Variants in GCFC2 observed in about 807,000 individuals in gnomAD.
The protein encoded by GCFC2 is GC-rich sequence DNA-binding factor 2.
GCFC2 carries 102 observed loss-of-function variants against 99.4 expected under a neutral mutation model. The observed-to-expected ratio is 1.03, with a 90% CI of 0.87 to 1.21. GCFC2 has a LOEUF of 1.21. Ranked by LOEUF, GCFC2 falls within the 50% of genes most tolerant of loss-of-function variation. The pLI, the probability that GCFC2 is intolerant of heterozygous loss-of-function variation, is 0.00. For synonymous variants in GCFC2, 338 were observed against 316.8 expected (o/e 1.07, Z -0.71); for missense variants, 973 against 920.9 (o/e 1.06, Z -0.73).
intron 1 of GCFC2, chr2:75,710,359 A>T: frequency 1.0e-6 from 1 of 987,646 alleles, no homozygotes; most frequent in Non-Finnish European, 1.4e-6. Flanking sequence ...TCCCAACTGT[A>T]CACGATTGTT....
intron 13 of GCFC2, among the ~76,000 whole-genome samples, chr2:75,672,831 G>A (rs188504176): frequency 3.0e-4 from 45 of 152,248 alleles, no homozygotes; most frequent in Admixed American, 2.6e-3. Context: ...AACAGTGGAC[G>A]TGTGCTCTTT....
At chr2:75,673,202 G>A (rs774869546) in intron 13 of GCFC2, among the ~76,000 whole-genome samples, 1 of 152,080 alleles carries the variant, frequency 6.6e-6, no homozygotes, top group Non-Finnish European at 1.5e-5. Flanking sequence ...CCCAGCCATG[G>A]GAGGCTGAGG....
chr2:75,676,280 GATCATT>G (rs1679335126), intron 12 of GCFC2, among the ~76,000 whole-genome samples: 1 of 152,100 alleles, frequency 6.6e-6, no homozygotes, highest in African/African-American at 2.4e-5. Flanking sequence ...GCTGATAGGG[GATCATT>G]ATCTCCTGAG....
intron 15 of GCFC2, among the ~76,000 whole-genome samples, chr2:75,668,270 T>G (rs919036932): frequency 6.6e-6 from 1 of 152,190 alleles, no homozygotes; most frequent in African/African-American, 2.4e-5. Context: ...ACAGACTGAA[T>G]GAAACACTCT....
chr2:75,690,213 C>G (rs1300924122), intron 8 of GCFC2, 132 bp from the exon 9 acceptor site: 4 of 627,408 alleles, frequency 6.4e-6, no homozygotes. Context: ...CAGAAATATA[C>G]TATCATATCA....
At chr2:75,711,952 G>A (rs1681205642), upstream of GCFC2, among the ~76,000 whole-genome samples, 1 of 152,276 alleles carries the variant, frequency 6.6e-6, no homozygotes, top group Non-Finnish European at 1.5e-5. Context: ...AAGGGCTGAG[G>A]AGTACGAGCG....
chr2:75,700,247 C>T (rs1219533206), intron 4 of GCFC2, among the ~76,000 whole-genome samples: 1 of 152,046 alleles, frequency 6.6e-6, no homozygotes, highest in Admixed American at 6.6e-5. Flanking sequence ...ACTTTGTTTA[C>T]ATCTTTTAAA....
rs115414378 is a variant in GCFC2, at chr2:75,702,979, T to C, written c.395-556A>G. The stretch of plus-strand genomic sequence containing the variant: ...CAAATTAGCCTCTGCGGTTCTGTAG[T>C]GAGCCCCACGTGAATAAACATGAGA... On this transcript the variant is annotated intron_variant, in intron 2 of 16. Coordinates refer to ENST00000321027, the MANE Select transcript of GCFC2 (RefSeq NM_003203.5). Among the ~76,000 whole-genome samples, 477 of 152,310 alleles carry C rather than the reference T, an allele frequency of 3.1e-3. 3 individuals carry two copies. The highest frequency in any genetic ancestry group is 0.011 in the African/African-American group (442 of 41,566).
At position 75,679,139 on chromosome 2, in the gene GCFC2, T is replaced by G. The variant is rs142615436; in HGVS notation, c.1812+1054A>C. On this transcript the variant is annotated intron_variant, in intron 12 of 16. Coordinates refer to ENST00000321027, the MANE Select transcript of GCFC2 (RefSeq NM_003203.5). ...TCACTTCCAGTTTTAAGTTACAGTTTATGTGCATCTTATTTTCTCTGAGAT... is the reference window on the plus strand; with the variant it reads ...TCACTTCCAGTTTTAAGTTACAGTTGATGTGCATCTTATTTTCTCTGAGAT... Among the ~76,000 whole-genome samples, 220 of 152,366 alleles carry G rather than the reference T, an allele frequency of 1.4e-3. 1 individual carries two copies. Among genetic ancestry groups the G allele is most frequent in the Non-Finnish European group, 2.7e-3 (184 of 68,030 alleles).
chr2:75,696,213 G>A lies in GCFC2; in HGVS notation c.820C>T (p.Gln274Ter), dbSNP rs1374784770. 4.0e-6 allele frequency: 5 copies of A among 1,254,382 alleles called. No homozygotes were observed. The highest frequency in any genetic ancestry group is 2.0e-4 in the Middle Eastern group (1 of 4,970). The allele number at this position is 1,254,382 out of a possible 1,614,324, so 77.7% of individuals were successfully genotyped here. The part of the protein sequence containing the change: ...PPVNLEIIKK[Q>*]LNTRLTLLQE... ...AGTATTGCTCACCTAGTATTTAATTGCTTCTTTATAATTTCTAAATTTACT... is the reference window on the plus strand; with the variant it reads ...AGTATTGCTCACCTAGTATTTAATTACTTCTTTATAATTTCTAAATTTACT... Residue 274 changes from glutamine (Q) to a stop codon, truncating the protein, a stop_gained, in exon 5 of 17, where the codon CAA (glutamine) becomes TAA (stop). Transcript: ENST00000321027. LOFTEE classifies it high-confidence loss of function.
At chr2:75,695,545 A>C (rs901427690) in intron 5 of GCFC2, among the ~76,000 whole-genome samples, 1 of 152,188 alleles carries the variant, frequency 6.6e-6, no homozygotes, top group Non-Finnish European at 1.5e-5. Flanking sequence ...ATAAAGACTA[A>C]AAAGACATAT....
In GCFC2 at chr2:75,692,005, A is replaced by G. The variant is rs761267821; in HGVS notation, c.1116T>C (p.His372=). 3 of 1,551,312 alleles carry G rather than the reference A, an allele frequency of 1.9e-6. No homozygotes were observed. The highest frequency in any genetic ancestry group is 2.5e-5 in the South Asian group (2 of 80,674). The change falls in exon 7 of 17, where the codon CAT becomes CAC. Residue 372 remains histidine (H), a synonymous_variant. Coordinates refer to ENST00000321027, the MANE Select transcript of GCFC2 (RefSeq NM_003203.5). ...ATAACTGTTGTAAATACGTTGATTCATGTTTTAATTCATCTTGCCTGCGTT... is the reference window on the plus strand; with the variant it reads ...ATAACTGTTGTAAATACGTTGATTCGTGTTTTAATTCATCTTGCCTGCGTT... ...FMKRRQDELK[H]ESTYLQQLSR...
rs765714608 is a variant in GCFC2 at position 75,694,323 on chromosome 2, GA to G, written c.937del (p.Ser313HisfsTer6). The G allele has an allele frequency of 8.2e-5, 112 of 1,363,506 alleles. No homozygotes were observed. The highest frequency in any genetic ancestry group is 1.1e-4 in the Non-Finnish European group (110 of 969,990). 84.5% of individuals were successfully genotyped at this position (1,363,506 alleles called of 1,614,324 possible). A position where few individuals can be genotyped will look rare whatever the true frequency, so the allele number is the denominator to read the frequency against. ...SKSTIQNLES[S>X]SNQALNCKFY... Reference sequence around the variant, plus strand: ...TTTACAATTTAGAGCTTGATTTGATGAACTCTCTAGGTTCTGGATGGTACTC... The same window carrying G: ...TTTACAATTTAGAGCTTGATTTGATGACTCTCTAGGTTCTGGATGGTACTC... On this transcript the variant is annotated frameshift_variant, in exon 6 of 17. Transcript: ENST00000321027. LOFTEE classifies it high-confidence loss of function.
intron 11 of GCFC2, among the ~76,000 whole-genome samples, chr2:75,683,967 A>G (rs1558738885): frequency 6.6e-6 from 1 of 152,146 alleles, no homozygotes; most frequent in Non-Finnish European, 1.5e-5. Context: ...CACTCAGATC[A>G]GATTCATAAA....
Position 75,703,426 on chromosome 2 carries a change from T to C in GCFC2, c.395-1003A>G, listed in dbSNP as rs144382753. Among the ~76,000 whole-genome samples, 78 of 152,242 alleles carry C rather than the reference T, an allele frequency of 5.1e-4. 1 individual carries two copies. Among genetic ancestry groups the C allele is most frequent in the Non-Finnish European group, 9.3e-4 (63 of 68,004 alleles). On this transcript the variant is annotated intron_variant, in intron 2 of 16. Coordinates refer to ENST00000321027, the MANE Select transcript of GCFC2 (RefSeq NM_003203.5). Reference sequence around the variant, plus strand: ...TGAAACAAACAAAAAAAGAGAAAGATTTTAGAAATCACAGACCAATATGCT... The same window carrying C: ...TGAAACAAACAAAAAAAGAGAAAGACTTTAGAAATCACAGACCAATATGCT...
chr2:75,676,255 T>C (rs547407662), intron 12 of GCFC2, among the ~76,000 whole-genome samples: 55 of 152,350 alleles, frequency 3.6e-4, no homozygotes, highest in African/African-American at 1.2e-3. Context: ...CCACCAGCCA[T>C]GTCTAAAACC....
chr2:75,696,037 C>A (rs972802707), intron 5 of GCFC2, among the ~76,000 whole-genome samples, 163 bp downstream of exon 5: 1 of 152,076 alleles, frequency 6.6e-6, no homozygotes, highest in African/African-American at 2.4e-5. Context: ...CTAGTGTATA[C>A]AAAAATGAAA....
Position 75,670,254 on chromosome 2 carries a change from G to C in GCFC2, c.1987C>G (p.Leu663Val). 1.9e-6 allele frequency: 3 copies of C among 1,605,680 alleles called. No individual in the cohort carries two copies. The highest frequency in any genetic ancestry group is 2.6e-6 in the Non-Finnish European group (3 of 1,172,580). The change falls in exon 15 of 17, where the codon CTC becomes GTC. Residue 663 changes from leucine (L) to valine (V), a missense_variant. By Grantham distance (32) the Leu-to-Val change is conservative. Coordinates refer to ENST00000321027, the MANE Select transcript of GCFC2 (RefSeq NM_003203.5). Reference sequence around the variant, plus strand: ...TCTTGCAAGGTGTCATCTGTAAGGAGTCCATTCCAAAGAAGAATATTGCGG... The same window carrying C: ...TCTTGCAAGGTGTCATCTGTAAGGACTCCATTCCAAAGAAGAATATTGCGG... Reference protein sequence around the residue: ...LFRNILLWNGLLTDDTLQELG... With the variant: ...LFRNILLWNGVLTDDTLQELG...
At chr2:75,677,279 T>A (rs1207740567) in intron 12 of GCFC2, among the ~76,000 whole-genome samples, 1 of 152,226 alleles carries the variant, frequency 6.6e-6, no homozygotes, top group African/African-American at 2.4e-5. Flanking sequence ...CCTTCTAACT[T>A]TGAAAACAGA....
Sources: gnomAD v4.1 joint callset for allele counts (sites outside exome capture counted in the v4.1 genomes callset) on GRCh38, gnomAD v4.1.1 for gene constraint, MANE v1.5 for transcripts, NCBI Gene and HGNC (gene_info 2026-07-23, HGNC 2026-07-21) for gene names.